RPA1: variants seen among roughly 807,000 people sequenced by gnomAD.
RPA1 encodes the protein replication protein A 70 kDa DNA-binding subunit.
RPA1 carries 49 observed loss-of-function variants against 83.0 expected under a neutral mutation model. That is an observed-to-expected ratio of 0.59 (90% CI 0.47 to 0.75). RPA1 has a LOEUF of 0.75. RPA1 is among the 30% of genes least tolerant of loss of function. The pLI is 0.00. For missense variants in RPA1, 693 were observed against 776.1 expected, an observed-to-expected ratio of 0.89 and a Z score of 1.27; for synonymous variants, 279 against 281.8, an observed-to-expected ratio of 0.99 and a Z score of 0.10.
At chr17:1,876,303 C>T (rs909836443) in intron 7 of RPA1, among the ~76,000 whole-genome samples, 3 of 152,130 alleles carry the variant, frequency 2.0e-5, no homozygotes, top group African/African-American at 7.2e-5. Context: ...GCCCGTAATC[C>T]CCGCACTTTA....
chr17:1,880,716 G>GGGTT, intron 12 of RPA1, 25 bp downstream of exon 12: 1 of 1,609,066 alleles, frequency 6.2e-7, no homozygotes, highest in Non-Finnish European at 8.5e-7. Flanking sequence ...GCTAAACAAA[G>GGGTT]GGTTACTTGA....
intron 4 of RPA1, among the ~76,000 whole-genome samples, chr17:1,846,635 T>C (rs1912270212): frequency 6.6e-6 from 1 of 152,078 alleles, no homozygotes. Context: ...TATTCTTTTT[T>C]CTTCTGGTAT....
intron 5 of RPA1, among the ~76,000 whole-genome samples, chr17:1,865,335 T>C (rs1913136977): frequency 6.6e-6 from 1 of 152,252 alleles, no homozygotes; most frequent in Admixed American, 6.5e-5. Context: ...TTGAAAATTG[T>C]ATTTAAGTAC....
intron 1 of RPA1, among the ~76,000 whole-genome samples, chr17:1,839,868 C>T (rs565294735): frequency 1.5e-5 from 2 of 136,362 alleles, no homozygotes; most frequent in South Asian, 4.9e-4. Context: ...TCTCACCTTA[C>T]TGCAGCCTCT....
chr17:1,875,598 C>A, intron 6 of RPA1, 63 bp from the exon 7 acceptor site: 9 of 1,530,312 alleles, frequency 5.9e-6, no homozygotes, highest in Non-Finnish European at 7.9e-6. Context: ...TATTGTAAAG[C>A]TTACTATAAA....
chr17:1,844,819 G>A (rs1912196705), intron 4 of RPA1, 133 bp downstream of exon 4: 1 of 536,186 alleles, frequency 1.9e-6, no homozygotes, highest in Non-Finnish European at 3.3e-6. Context: ...CTAACACATG[G>A]CACCCAAGGA....
At chr17:1,870,658 T>C (rs1225910160) in intron 5 of RPA1, among the ~76,000 whole-genome samples, 1 of 152,254 alleles carries the variant, frequency 6.6e-6, no homozygotes, top group Non-Finnish European at 1.5e-5. Context: ...GTGACCCCTC[T>C]TCTACTTTCT....
chr17:1,896,863 T>C (rs1914451615), intron 16 of RPA1, among the ~76,000 whole-genome samples: 1 of 152,046 alleles, frequency 6.6e-6, no homozygotes, highest in Non-Finnish European at 1.5e-5. Flanking sequence ...GGGTAAAGAA[T>C]CAGAAGGGCC....
intron 1 of RPA1, among the ~76,000 whole-genome samples, chr17:1,840,881 A>G (rs1379960326): frequency 1.3e-5 from 2 of 152,090 alleles, no homozygotes; most frequent in Non-Finnish European, 2.9e-5. Flanking sequence ...AGCCTGGCCA[A>G]CGTAGTGAAA....
chr17:1,848,844 G>C (rs532322484), intron 4 of RPA1, among the ~76,000 whole-genome samples: 1 of 152,040 alleles, frequency 6.6e-6, no homozygotes, highest in Non-Finnish European at 1.5e-5. Flanking sequence ...GATTACAGGT[G>C]TGAGCCACCG....
At chr17:1,896,907 C>T (rs1383962384) in intron 16 of RPA1, among the ~76,000 whole-genome samples, 164 bp from the exon 17 acceptor site, 1 of 152,160 alleles carries the variant, frequency 6.6e-6, no homozygotes, top group Non-Finnish European at 1.5e-5. Context: ...ACTCGCCCAG[C>T]CCCAGACATT....
chr17:1,896,171 T>C (rs1022274982), intron 16 of RPA1, among the ~76,000 whole-genome samples: 2 of 152,228 alleles, frequency 1.3e-5, no homozygotes, highest in African/African-American at 4.8e-5. Context: ...CTTGCCTAAG[T>C]TGTATGCTAG....
chr17:1,830,494 C>T (rs1225996783), intron 1 of RPA1: 1 of 218,448 alleles, frequency 4.6e-6, no homozygotes. Flanking sequence ...ACTCTTTAAC[C>T]CACTCCAGTC....
chr17:1,886,137 G>T (rs1319455968), intron 13 of RPA1, among the ~76,000 whole-genome samples: 1 of 151,804 alleles, frequency 6.6e-6, no homozygotes, highest in Admixed American at 6.6e-5. Flanking sequence ...TCCTCGTACT[G>T]TGTGTCTCCA....
Position 1,874,028 on chromosome 17 carries a change from T to TACACAC in RPA1, c.454+1503_454+1504insCACACA, listed in dbSNP as rs1270241119. On this transcript the variant is annotated intron_variant, in intron 6 of 16. Transcript: ENST00000254719. ...AAAAAAAAAAATATATATATATATA[T>TACACAC]ATATACACACACACACACACACACA... is the stretch of plus-strand genomic sequence containing the variant. Among the ~76,000 whole-genome samples the TACACAC allele has an allele frequency of 4.4e-3, 451 of 102,574 alleles. 1 individual carries two copies. The highest frequency in any genetic ancestry group is 0.01 in the Middle Eastern group (2 of 194). 67.3% of individuals were successfully genotyped at this position (102,574 alleles called of 152,430 possible).
intron 8 of RPA1, among the ~76,000 whole-genome samples, chr17:1,877,782 A>G (rs1913626604): frequency 6.6e-6 from 1 of 152,154 alleles, no homozygotes; most frequent in Non-Finnish European, 1.5e-5. Context: ...TGACCTCGAT[A>G]TGGGAGTGGT....
chr17:1,830,291 C>T (rs1911490299), intron 1 of RPA1, among the ~76,000 whole-genome samples, 165 bp downstream of exon 1: 1 of 152,160 alleles, frequency 6.6e-6, no homozygotes, highest in African/African-American at 2.4e-5. Flanking sequence ...AGTGTCATCG[C>T]CCCCTCCTCA....
At position 1,855,243 on chromosome 17, in the gene RPA1, A is replaced by G. The variant is rs1468753188; in HGVS notation, c.361+2054A>G. ...AGTGGTGCCTTCTAGGCTCACTGCA[A>G]CCTCCGCCTCCCGGGTTCAAGTGAT... On this transcript the variant is annotated intron_variant, in intron 5 of 16. Transcript: ENST00000254719. 7.9e-4 allele frequency among the ~76,000 whole-genome samples: 120 copies of G among 151,720 alleles called. 2 individuals carry two copies. The highest frequency in any genetic ancestry group is 2.2e-4 in the Non-Finnish European group (15 of 67,966).
At chr17:1,882,629 C>T (rs1228601673) in intron 12 of RPA1, among the ~76,000 whole-genome samples, 3 of 152,176 alleles carry the variant, frequency 2.0e-5, no homozygotes, top group African/African-American at 7.2e-5. Context: ...GGTACCACCA[C>T]ACTCCATCCT....
Sources: gnomAD v4.1 joint callset for allele counts (sites outside exome capture counted in the v4.1 genomes callset) on GRCh38, gnomAD v4.1.1 for gene constraint, MANE v1.5 for transcripts, NCBI Gene and HGNC (gene_info 2026-07-23, HGNC 2026-07-21) for gene names.